PLXDC2: variants seen among roughly 807,000 people sequenced by gnomAD.
The protein encoded by PLXDC2 is plexin domain containing 2.
Under a neutral mutation model 68.9 loss-of-function variants are expected in PLXDC2, and 40 were observed. The ratio of observed to expected loss-of-function variants is 0.58; its 90% confidence interval spans 0.45 to 0.76. The LOEUF (loss-of-function observed/expected upper bound fraction) is 0.76, where lower values mean the gene tolerates loss of function less well. PLXDC2 is among the 30% of genes least tolerant of loss of function. The pLI, the probability that PLXDC2 is intolerant of heterozygous loss-of-function variation, is 0.00. For synonymous variants in PLXDC2, 243 were observed against 234.2 expected, an observed-to-expected ratio of 1.04 and a Z score of -0.34; for missense variants, 644 against 661.9, an observed-to-expected ratio of 0.97 and a Z score of 0.30.
intron 12 of PLXDC2, among the ~76,000 whole-genome samples, chr10:20,230,839 C>A (rs1183082956): frequency 6.7e-6 from 1 of 148,662 alleles, no homozygotes; most frequent in Non-Finnish European, 1.5e-5. Flanking sequence ...CCAGCAGTGT[C>A]CCTGGAGGGT....
chr10:20,242,149 G>A (rs953885092), intron 12 of PLXDC2, among the ~76,000 whole-genome samples: 6 of 152,022 alleles, frequency 3.9e-5, no homozygotes, highest in Non-Finnish European at 7.3e-5. Flanking sequence ...TTTCCCAGGA[G>A]AGCACTGTGT....
At chr10:19,863,075 T>A (rs1837345224) in intron 1 of PLXDC2, among the ~76,000 whole-genome samples, 1 of 152,170 alleles carries the variant, frequency 6.6e-6, no homozygotes, top group Non-Finnish European at 1.5e-5. Context: ...TAAGAGGAGG[T>A]GATTTTAATC....
intron 12 of PLXDC2, among the ~76,000 whole-genome samples, chr10:20,231,978 C>G (rs1393036800): frequency 1.3e-5 from 2 of 151,572 alleles, no homozygotes; most frequent in East Asian, 3.9e-4. Context: ...CCAGCTCCAA[C>G]CTGGGTGACA....
intron 13 of PLXDC2, among the ~76,000 whole-genome samples, chr10:20,253,492 T>A (rs1162349548): frequency 6.6e-6 from 1 of 152,056 alleles, no homozygotes; most frequent in Admixed American, 6.6e-5. Context: ...AATCTGGACA[T>A]AAATGTCTAA....
At chr10:20,064,525 C>A (rs531022504) in intron 3 of PLXDC2, among the ~76,000 whole-genome samples, 3 of 152,106 alleles carry the variant, frequency 2.0e-5, no homozygotes, top group South Asian at 2.1e-4. Context: ...ATGACAATGC[C>A]CAGGGTTCTG....
intron 1 of PLXDC2, among the ~76,000 whole-genome samples, chr10:19,846,821 G>T (rs1837017875): frequency 1.3e-5 from 2 of 152,146 alleles, no homozygotes; most frequent in Non-Finnish European, 2.9e-5. Flanking sequence ...ACTGCTAAGA[G>T]AGATACACCA....
chr10:19,867,772 A>G (rs963241371), intron 1 of PLXDC2, among the ~76,000 whole-genome samples: 1 of 152,156 alleles, frequency 6.6e-6, no homozygotes, highest in East Asian at 1.9e-4. Context: ...GGTATTCTCA[A>G]TGTGCGAAGA....
At chr10:20,259,204 CT>C (rs1341429582) in intron 13 of PLXDC2, among the ~76,000 whole-genome samples, 1 of 151,610 alleles carries the variant, frequency 6.6e-6, no homozygotes, top group Non-Finnish European at 1.5e-5. Flanking sequence ...GAACAATTGC[CT>C]TTTTTTTCTT....
intron 3 of PLXDC2, among the ~76,000 whole-genome samples, chr10:20,048,756 C>G (rs1180642170): frequency 6.6e-6 from 1 of 152,050 alleles, no homozygotes; most frequent in South Asian, 2.1e-4. Context: ...TGTGCCGCCC[C>G]CCAAGGTAAG....
chr10:20,117,748 T>C (rs1362435545), intron 4 of PLXDC2, among the ~76,000 whole-genome samples: 1 of 152,216 alleles, frequency 6.6e-6, no homozygotes, highest in African/African-American at 2.4e-5. Context: ...GTAATTGCAG[T>C]GCTTCCTAAA....
intron 2 of PLXDC2, among the ~76,000 whole-genome samples, chr10:20,011,547 A>G (rs958011112): frequency 6.6e-6 from 1 of 152,148 alleles, no homozygotes. Context: ...GGGGGCCATA[A>G]CTCATCTTCT....
chr10:20,165,618 G>A (rs1192095016), intron 7 of PLXDC2, among the ~76,000 whole-genome samples: 1 of 152,120 alleles, frequency 6.6e-6, no homozygotes, highest in African/African-American at 2.4e-5. Flanking sequence ...TAATGTATTT[G>A]TGTAAAACTG....
chr10:20,182,791 C>G (rs1047668627), intron 9 of PLXDC2, among the ~76,000 whole-genome samples: 4 of 151,838 alleles, frequency 2.6e-5, no homozygotes, highest in Non-Finnish European at 4.4e-5. Context: ...AACCCACCAT[C>G]TAGGGTTTAA....
intron 1 of PLXDC2, among the ~76,000 whole-genome samples, chr10:19,913,657 A>G (rs1390826257): frequency 1.3e-5 from 2 of 152,142 alleles, no homozygotes; most frequent in African/African-American, 2.4e-5. Context: ...GTTTTGATCA[A>G]TTATGATGGA....
chr10:19,912,664 A>G (rs1017504720), intron 1 of PLXDC2, among the ~76,000 whole-genome samples: 1 of 152,196 alleles, frequency 6.6e-6, no homozygotes, highest in South Asian at 2.1e-4. Context: ...TAAAAACGGT[A>G]ATAATTAACA....
chr10:20,175,709 G>A (rs1273018706), intron 7 of PLXDC2, among the ~76,000 whole-genome samples: 10 of 152,108 alleles, frequency 6.6e-5, no homozygotes, highest in Admixed American at 6.6e-4. Context: ...GCAAATGCCT[G>A]TAGTCCTAGC....
At chr10:20,204,832 G>C (rs1330398076) in intron 9 of PLXDC2, among the ~76,000 whole-genome samples, 1 of 152,022 alleles carries the variant, frequency 6.6e-6, no homozygotes, top group Non-Finnish European at 1.5e-5. Flanking sequence ...TTTACTATCT[G>C]GTCCTTTACA....
chr10:19,973,895 G>C (rs1834403362), intron 1 of PLXDC2, among the ~76,000 whole-genome samples: 1 of 152,174 alleles, frequency 6.6e-6, no homozygotes, highest in Admixed American at 6.5e-5. Flanking sequence ...TCCTGAAACA[G>C]ACTGAAAAAG....
At chr10:20,152,994 G>A (rs892180438) in intron 6 of PLXDC2, among the ~76,000 whole-genome samples, 2 of 152,150 alleles carry the variant, frequency 1.3e-5, no homozygotes, top group African/African-American at 4.8e-5. Context: ...TATGAGACCA[G>A]AATATTTCTG....
Sources: allele counts gnomAD v4.1 joint callset (sites outside exome capture counted in the v4.1 genomes callset), GRCh38; gene constraint gnomAD v4.1.1; transcripts MANE v1.5; gene names NCBI Gene and HGNC (gene_info 2026-07-23, HGNC 2026-07-21).